The following CNIH1 variants were observed in gnomAD, a reference collection of about 807,000 sequenced individuals.
CNIH1 encodes protein cornichon homolog 1.
Under a neutral mutation model 20.2 loss-of-function variants are expected in CNIH1, and 12 were observed. That is an observed-to-expected ratio of 0.59 (90% CI 0.38 to 0.96). The LOEUF (loss-of-function observed/expected upper bound fraction) is 0.96, where lower values mean the gene tolerates loss of function less well. Among genes scored for constraint, CNIH1 ranks in the 40% least tolerant of loss-of-function variants. The probability of loss-of-function intolerance (pLI) is 0.00; values close to 1 mark genes in which losing one functional copy is unlikely to be tolerated. For missense variants in CNIH1, 152 were observed against 178.8 expected (o/e 0.85, Z 0.85); for synonymous variants, 69 against 63.3 (o/e 1.09, Z -0.43).
chr14:54,428,530 T>C (rs1171005553), intron 4 of CNIH1, among the ~76,000 whole-genome samples: 2 of 152,322 alleles, frequency 1.3e-5, no homozygotes, highest in East Asian at 1.9e-4. Context: ...ATAGACAACC[T>C]TAAAACACAA....
chr14:54,438,682 A>C (rs2031104437), intron 1 of CNIH1, among the ~76,000 whole-genome samples: 1 of 152,242 alleles, frequency 6.6e-6, no homozygotes, highest in Admixed American at 6.5e-5. Context: ...TTTGGAATGT[A>C]ATTTAAAAAT....
At chr14:54,428,277 A>C (rs2030866740) in intron 4 of CNIH1, among the ~76,000 whole-genome samples, 1 of 152,180 alleles carries the variant, frequency 6.6e-6, no homozygotes, top group Admixed American at 6.5e-5. Flanking sequence ...TCCCCATTGT[A>C]TAGAAAGGAA....
chr14:54,434,077 AATG>A (rs780271743), intron 2 of CNIH1, among the ~76,000 whole-genome samples: 35 of 152,248 alleles, frequency 2.3e-4, no homozygotes, highest in Non-Finnish European at 4.4e-4. Flanking sequence ...ATATGGCTGA[AATG>A]ATAACATTTA....
rs2140002176 is a variant in CNIH1 at position 54,432,136 on chromosome 14, T to C, written c.235A>G (p.Met79Val). The change falls in exon 3 of 5, where the codon ATG becomes GTG. Residue 79 changes from methionine to valine, a missense_variant. Coordinates refer to ENST00000216416, the MANE Select transcript of CNIH1 (RefSeq NM_005776.3). Reference sequence around the variant, plus strand: ...CAAATATGATATGCCAAGAGGGGCATATTGAGACCCAGTGTAAGCCACTCT... The same window carrying C: ...CAAATATGATATGCCAAGAGGGGCACATTGAGACCCAGTGTAAGCCACTCT... ...AAEWLTLGLN[M>V]PLLAYHIWRY... 6.4e-7 allele frequency: 1 copy of C among 1,557,080 alleles called. No individual in the cohort carries two copies. The highest frequency in any genetic ancestry group is 2.0e-5 in the Admixed American group (1 of 50,940).
Position 54,427,606 on chromosome 14 carries a change from C to A in CNIH1, c.*208G>T. 1 of 561,978 alleles carries A rather than the reference C, an allele frequency of 1.8e-6. No homozygotes were observed. The highest frequency in any genetic ancestry group is 2.9e-5 in the East Asian group (1 of 34,704). The allele number at this position is 561,978 out of a possible 1,614,324, so 34.8% of individuals were successfully genotyped here. On this transcript the variant is annotated 3_prime_UTR_variant, in exon 5 of 5. Transcript: ENST00000216416. The stretch of plus-strand genomic sequence containing the variant: ...TTTTATATTAATTTATACGTAATAC[C>A]ATTTAAAATCTTTATCTGAGTATAA...
chr14:54,432,193 C>T lies in CNIH1; in HGVS notation c.178G>A (p.Ala60Thr), dbSNP rs747682259. 6 of 1,555,050 alleles carry T rather than the reference C, an allele frequency of 3.9e-6. No homozygotes were observed. Among genetic ancestry groups the T allele is most frequent in the African/African-American group, 1.4e-5 (1 of 73,568 alleles). The part of the protein sequence containing the change: ...PLVLPEYLIH[A>T]FFCVMFLCAA... ...CAAAGAAACATGACACAGAAGAAAG[C>T]GTGGATGAGGTACTCTGGGAGTACA... The change falls in exon 3 of 5, where the codon GCT becomes ACT. Residue 60 changes from alanine to threonine, a missense_variant. Physicochemically the swap from Ala to Thr is moderately conservative, Grantham distance 58. Around this residue, in one of 3 missense-constraint regions of CNIH1, gnomAD observed 97 missense variants for 100.6 expected, o/e 0.96. Transcript: ENST00000216416.
chr14:54,439,461 C>G (rs762448249), intron 1 of CNIH1, among the ~76,000 whole-genome samples: 1 of 151,936 alleles, frequency 6.6e-6, no homozygotes, highest in Middle Eastern at 3.2e-3. Flanking sequence ...TCTAAGAATC[C>G]CCATCATCCC....
At chr14:54,437,562 T>C (rs2031079313) in intron 1 of CNIH1, among the ~76,000 whole-genome samples, 1 of 152,060 alleles carries the variant, frequency 6.6e-6, no homozygotes, top group African/African-American at 2.4e-5. Flanking sequence ...GAACAAAGAT[T>C]GTTGTATTTA....
chr14:54,425,066 G>T lies in CNIH1; in HGVS notation c.*2748C>A, dbSNP rs1436529536. On this transcript the variant is annotated 3_prime_UTR_variant, in exon 5 of 5. Coordinates refer to ENST00000216416, the MANE Select transcript of CNIH1 (RefSeq NM_005776.3). Reference sequence around the variant, plus strand: ...AATATCATTAAGCATTGAGAAAACTGTCAAACATCATTAATAACATTTGGA... The same window carrying T: ...AATATCATTAAGCATTGAGAAAACTTTCAAACATCATTAATAACATTTGGA... 2.6e-5 allele frequency: 4 copies of T among 152,102 alleles called. No individual in the cohort carries two copies. Among genetic ancestry groups the T allele is most frequent in the African/African-American group, 4.8e-5 (2 of 41,418 alleles). The allele number at this position is 152,102 out of a possible 1,614,324, so 9.4% of individuals were successfully genotyped here. A position where few individuals can be genotyped will look rare whatever the true frequency, so the allele number is the denominator to read the frequency against.
Position 54,427,623 on chromosome 14 carries a change from T to TA in CNIH1, c.*190_*191insT. 1 of 583,534 alleles carries TA rather than the reference T, an allele frequency of 1.7e-6. No homozygotes were observed. Among genetic ancestry groups the TA allele is most frequent in the South Asian group, 2.4e-5 (1 of 42,068 alleles). The allele number at this position is 583,534 out of a possible 1,614,324, so 36.1% of individuals were successfully genotyped here. On this transcript the variant is annotated 3_prime_UTR_variant, in exon 5 of 5. Coordinates refer to ENST00000216416, the MANE Select transcript of CNIH1 (RefSeq NM_005776.3). ...CGTAATACCATTTAAAATCTTTATC[T>TA]GAGTATAACATATGAAAACAGTCTT... is the stretch of plus-strand genomic sequence containing the variant.
In CNIH1 at chr14:54,439,280, G is replaced by T. The variant is rs575593038; in HGVS notation, c.81+1967C>A. ...GCATAAAAGCTCTCCACGAATCTGC[G>T]GTATAATTTTTTTTTCATTGTATAA... On this transcript the variant is annotated intron_variant, in intron 1 of 4. Transcript: ENST00000216416. 2.6e-5 allele frequency among the ~76,000 whole-genome samples: 4 copies of T among 151,880 alleles called. No individual in the cohort carries two copies. The East Asian group carries it at 5.8e-4, about 22-fold the overall frequency.
intron 1 of CNIH1, among the ~76,000 whole-genome samples, chr14:54,440,305 C>G (rs1407494623): frequency 6.6e-6 from 1 of 152,126 alleles, no homozygotes; most frequent in Non-Finnish European, 1.5e-5. Flanking sequence ...AAAAGAGAAG[C>G]AAGTATGAGA....
intron 1 of CNIH1, among the ~76,000 whole-genome samples, chr14:54,437,287 C>T (rs2031073250): frequency 6.6e-6 from 1 of 152,214 alleles, no homozygotes; most frequent in South Asian, 2.1e-4. Flanking sequence ...CAGGGACACA[C>T]AAACTAAGCT....
chr14:54,439,767 G>A (rs1198408155), intron 1 of CNIH1, among the ~76,000 whole-genome samples: 5 of 151,950 alleles, frequency 3.3e-5, no homozygotes, highest in African/African-American at 7.3e-5. Flanking sequence ...GGCCAGGCTG[G>A]TCTCGAACTC....
intron 4 of CNIH1, among the ~76,000 whole-genome samples, chr14:54,429,212 C>T (rs989578638): frequency 6.6e-6 from 1 of 152,246 alleles, no homozygotes; most frequent in Admixed American, 6.5e-5. Flanking sequence ...AACACACCTA[C>T]AGCAGTGGTT....
chr14:54,435,929 T>C (rs2031046133), intron 2 of CNIH1: 2 of 588,196 alleles, frequency 3.4e-6, no homozygotes, highest in African/African-American at 3.7e-5. Flanking sequence ...CAAGCATATA[T>C]TTGCATAAAA....
At chr14:54,431,222 A>T (rs1594616654) in intron 3 of CNIH1, among the ~76,000 whole-genome samples, 1 of 151,790 alleles carries the variant, frequency 6.6e-6, no homozygotes, top group East Asian at 1.9e-4. Context: ...TCTGCCTCCC[A>T]GCCTGAAGCA....
In CNIH1 at chr14:54,426,873, T is replaced by C. The variant is rs866680212; in HGVS notation, c.*941A>G. On this transcript the variant is annotated 3_prime_UTR_variant, in exon 5 of 5. Transcript: ENST00000216416. ...AAATGACAGCAACATGTCTTTATCA[T>C]GGATTAAGCAAGTTTAAGAAATACT... 5.3e-5 allele frequency: 8 copies of C among 152,320 alleles called. No homozygotes were observed. In the Middle Eastern group the frequency reaches 0.01, roughly 194 times the overall value. 9.4% of individuals were successfully genotyped at this position (152,320 alleles called of 1,614,324 possible). A position where few individuals can be genotyped will look rare whatever the true frequency, so the allele number is the denominator to read the frequency against.
intron 2 of CNIH1, among the ~76,000 whole-genome samples, chr14:54,433,996 CA>C (rs1394110947): frequency 1.3e-5 from 2 of 151,992 alleles, no homozygotes; most frequent in East Asian, 3.8e-4. Flanking sequence ...CCATAAGAGA[CA>C]CAAAAATTAT....
Sources: gnomAD v4.1 joint callset for allele counts (sites outside exome capture counted in the v4.1 genomes callset) on GRCh38, gnomAD v4.1.1 for gene constraint, gnomAD v4.1.1 regional missense constraint, MANE v1.5 for transcripts, NCBI Gene and HGNC (gene_info 2026-07-23, HGNC 2026-07-21) for gene names.